The following DCTN5 variants were observed in gnomAD, a reference collection of about 807,000 sequenced individuals.
DCTN5 encodes dynactin subunit 5.
Under a neutral mutation model 23.5 loss-of-function variants are expected in DCTN5, and 14 were observed. The ratio of observed to expected loss-of-function variants is 0.60; its 90% CI spans 0.39 to 0.93. The LOEUF is 0.93. Among genes scored for constraint, DCTN5 ranks in the 40% least tolerant of loss-of-function variants. The pLI is 0.00. For missense variants in DCTN5, 156 were observed against 225.9 expected, an observed-to-expected ratio of 0.69 and a Z score of 1.98; for synonymous variants, 67 against 79.6, an observed-to-expected ratio of 0.84 and a Z score of 0.84.
intron 2 of DCTN5, among the ~76,000 whole-genome samples, chr16:23,648,344 C>CTTTTTTTTTT (rs960786045): frequency 2.8e-5 from 3 of 105,528 alleles, no homozygotes; most frequent in African/African-American, 7.2e-5. Flanking sequence ...TTTCTTTTTT[C>CTTTTTTTTTT]TTTTTTTTTT....
At chr16:23,644,832 A>T (rs1356817078) in intron 2 of DCTN5, among the ~76,000 whole-genome samples, 2 of 151,180 alleles carry the variant, frequency 1.3e-5, no homozygotes, top group Non-Finnish European at 2.9e-5. Flanking sequence ...CCCAGGCTGG[A>T]GTGAAGCGGC....
intron 2 of DCTN5, among the ~76,000 whole-genome samples, chr16:23,649,837 CA>C (rs1175500177): frequency 0.13 from 7,420 of 56,086 alleles, 310 homozygotes; most frequent in African/African-American, 0.3. Context: ...GACTCTGTCT[CA>C]AAAAAAAAAA....
chr16:23,647,748 T>G (rs1272508131), intron 2 of DCTN5, among the ~76,000 whole-genome samples: 2 of 152,190 alleles, frequency 1.3e-5, no homozygotes, highest in East Asian at 3.9e-4. Context: ...CCTCAGGTGA[T>G]CTGCCTGCCT....
At chr16:23,645,165 G>T (rs1181024012) in intron 2 of DCTN5, among the ~76,000 whole-genome samples, 11 of 91,128 alleles carry the variant, frequency 1.2e-4, no homozygotes, top group South Asian at 7.4e-4. Context: ...ACGCAGTTTT[G>T]CTCTTGTTGC....
Position 23,673,155 on chromosome 16 carries a change from A to T in DCTN5, c.*6011A>T, listed in dbSNP as rs1036070335. On this transcript the variant is annotated 3_prime_UTR_variant, in exon 6 of 6. Coordinates refer to ENST00000300087, the MANE Select transcript of DCTN5 (RefSeq NM_032486.4). ...AAAAAAAAAAAAAAACCACAACAAC[A>T]ACAACAAAAATTCCATGTTGACAAG... The T allele has an allele frequency of 2.6e-5, 4 of 151,912 alleles. No individual in the cohort carries two copies. Among genetic ancestry groups the T allele is most frequent in the Non-Finnish European group, 5.9e-5 (4 of 67,976 alleles). The allele number at this position is 151,912 out of a possible 1,614,324, so 9.4% of individuals were successfully genotyped here.
In DCTN5 at chr16:23,658,629, T is replaced by G. The variant is rs1357372920; in HGVS notation, c.236+4T>G. 1 of 1,609,330 alleles carries G rather than the reference T, an allele frequency of 6.2e-7. No homozygotes were observed. Among genetic ancestry groups the G allele is most frequent in the Non-Finnish European group, 8.5e-7 (1 of 1,175,564 alleles). ...CATTCAAGAAGTTCAGCAAAGGGTATGTAATTTAATTACTTTGTTCAAGTC... is the reference window on the plus strand; with the variant it reads ...CATTCAAGAAGTTCAGCAAAGGGTAGGTAATTTAATTACTTTGTTCAAGTC... On this transcript the variant is annotated splice_donor_region_variant and intron_variant, in intron 3 of 5. Transcript: ENST00000300087.
intron 2 of DCTN5, among the ~76,000 whole-genome samples, chr16:23,645,894 T>C (rs889693361): frequency 9.8e-5 from 15 of 152,300 alleles, no homozygotes; most frequent in Middle Eastern, 3.4e-3. Flanking sequence ...TTTGAGTATA[T>C]ACCTAGGAGT....
intron 2 of DCTN5, among the ~76,000 whole-genome samples, chr16:23,652,385 T>A (rs868404433): frequency 2.6e-5 from 4 of 152,254 alleles, no homozygotes; most frequent in Non-Finnish European, 4.4e-5. Flanking sequence ...TTGCTTACCC[T>A]ATTGTAAATT....
At chr16:23,644,948 T>G (rs952681497) in intron 2 of DCTN5, among the ~76,000 whole-genome samples, 6 of 148,094 alleles carry the variant, frequency 4.1e-5, no homozygotes, top group Non-Finnish European at 8.9e-5. Flanking sequence ...CTGGGCTAAT[T>G]TTTGTATTTT....
Position 23,671,129 on chromosome 16 carries a change from C to T in DCTN5, c.*3985C>T, listed in dbSNP as rs982086853. The stretch of plus-strand genomic sequence containing the variant: ...TGCTAGAGTCAGGCTGATCAAATCC[C>T]AGCCTGCCATTGGCTAGCCTTGTGA... On this transcript the variant is annotated 3_prime_UTR_variant, in exon 6 of 6. Transcript: ENST00000300087. 1.3e-5 allele frequency: 2 copies of T among 152,176 alleles called. No homozygotes were observed. Among genetic ancestry groups the T allele is most frequent in the African/African-American group, 4.8e-5 (2 of 41,432 alleles). 9.4% of individuals were successfully genotyped at this position (152,176 alleles called of 1,614,324 possible). A position where few individuals can be genotyped will look rare whatever the true frequency, so the allele number is the denominator to read the frequency against.
At position 23,658,521 on chromosome 16, in the gene DCTN5, T is replaced by G; in HGVS notation, c.132T>G (p.Asn44Lys). 6.2e-7 allele frequency: 1 copy of G among 1,613,942 alleles called. No homozygotes were observed. The highest frequency in any genetic ancestry group is 8.5e-7 in the Non-Finnish European group (1 of 1,179,770). Reference sequence around the variant, plus strand: ...TCGTCTTACAGACCATTGTGATGAATGACTGTATTATCCGAGGGGATCTGG... The same window carrying G: ...TCGTCTTACAGACCATTGTGATGAAGGACTGTATTATCCGAGGGGATCTGG... ...IVLNGKTIVM[N>K]DCIIRGDLAN... Residue 44 changes from asparagine to lysine, a missense_variant, in exon 3 of 6, where the codon AAT becomes AAG. Physicochemically the swap from Asn to Lys is moderately conservative, Grantham distance 94. Transcript: ENST00000300087.
rs1967805861 is a variant in DCTN5, at chr16:23,661,301, T to C, written c.348+20T>C. On this transcript the variant is annotated intron_variant, in intron 4 of 5. Transcript: ENST00000300087. ...GTGATTGTGAGTATGATGACTTGGC[T>C]GGCAAAGCAGCTTCACTTTCCCTTC... is the stretch of plus-strand genomic sequence containing the variant. 6.3e-7 allele frequency: 1 copy of C among 1,579,980 alleles called. No individual in the cohort carries two copies. Among genetic ancestry groups the C allele is most frequent in the South Asian group, 1.1e-5 (1 of 88,436 alleles).
At chr16:23,657,645 T>C (rs1295930568) in intron 2 of DCTN5, 1 of 263,132 alleles carries the variant, frequency 3.8e-6, no homozygotes, top group African/African-American at 2.4e-5. Flanking sequence ...GGTTTCACCA[T>C]GTTGGCCAGC....
intron 2 of DCTN5, among the ~76,000 whole-genome samples, chr16:23,651,347 ACTC>A (rs1173168603): frequency 6.6e-6 from 1 of 151,610 alleles, no homozygotes; most frequent in African/African-American, 2.4e-5. Flanking sequence ...CCTCAGCACT[ACTC>A]CTTGTGAAAT....
At position 23,645,225 on chromosome 16, in the gene DCTN5, C is replaced by A. The variant is rs1360201661; in HGVS notation, c.117+2202C>A. Reference sequence around the variant, plus strand: ...TCTCGGCTCACCACAACCTCCGCCTCCCAGGTTCAAGTGATTCTCCTGCCT... The same window carrying A: ...TCTCGGCTCACCACAACCTCCGCCTACCAGGTTCAAGTGATTCTCCTGCCT... On this transcript the variant is annotated intron_variant, in intron 2 of 5. Coordinates refer to ENST00000300087, the MANE Select transcript of DCTN5 (RefSeq NM_032486.4). Among the ~76,000 whole-genome samples the A allele has an allele frequency of 2.7e-5, 4 of 148,458 alleles. No individual in the cohort carries two copies. The East Asian group carries it at 8.0e-4, about 30-fold the overall frequency.
rs28528124 is a variant in DCTN5 at position 23,657,805 on chromosome 16, A to G, written c.118-702A>G. ...TCTATATCCTCTAGGAAAAATGTCT[A>G]AGTTTCTGTGCTTAGCATACATAAT... On this transcript the variant is annotated intron_variant, in intron 2 of 5. Transcript: ENST00000300087. Among the ~76,000 whole-genome samples, 308 of 152,340 alleles carry G rather than the reference A, an allele frequency of 2.0e-3. 4 individuals are homozygous for G. The highest frequency in any genetic ancestry group is 6.7e-3 in the African/African-American group (279 of 41,576).
intron 2 of DCTN5, among the ~76,000 whole-genome samples, chr16:23,645,104 TATATATATATATATATATATATA>T (rs1292538110): frequency 3.7e-4 from 11 of 30,038 alleles, no homozygotes; most frequent in East Asian, 1.1e-3. Flanking sequence ...TATATATATA[TATATATATATATATATATATATA>T]TATATATATA....
At chr16:23,665,813 T>C (rs1567234031) in intron 5 of DCTN5, 85 bp downstream of exon 5, 13 of 1,121,422 alleles carry the variant, frequency 1.2e-5, no homozygotes, top group Non-Finnish European at 1.6e-5. Context: ...TTACGATTCC[T>C]ATCTCTGGCA....
At chr16:23,652,194 CAG>C (rs1372871490) in intron 2 of DCTN5, among the ~76,000 whole-genome samples, 2 of 152,102 alleles carry the variant, frequency 1.3e-5, no homozygotes, top group Non-Finnish European at 2.9e-5. Context: ...TGGTATTCTT[CAG>C]AGTCAGGTGT....
Sources: allele counts gnomAD v4.1 joint callset (sites outside exome capture counted in the v4.1 genomes callset), GRCh38; gene constraint gnomAD v4.1.1; transcripts MANE v1.5; gene names NCBI Gene and HGNC (gene_info 2026-07-23, HGNC 2026-07-21).